Variants in BRI3BP observed in about 807,000 individuals in gnomAD.
BRI3BP encodes BRI3 binding protein.
Under a neutral mutation model 15.8 loss-of-function variants are expected in BRI3BP, and 7 were observed. The ratio of observed to expected loss-of-function variants is 0.44; its 90% CI spans 0.25 to 0.83. The LOEUF (loss-of-function observed/expected upper bound fraction) is 0.83. BRI3BP is among the 40% of genes least tolerant of loss of function. BRI3BP has a pLI of 0.20. For synonymous variants in BRI3BP, 192 were observed against 163.5 expected (o/e 1.17, Z -1.33); for missense variants, 320 against 339.3 (o/e 0.94, Z 0.45).
chr12:125,002,531 A>T, intron 1 of BRI3BP, among the ~76,000 whole-genome samples: 1 of 146,876 alleles, frequency 6.8e-6, no homozygotes. Flanking sequence ...ATCTCTGCTC[A>T]CTGCAACCTC....
rs538586160 is a variant in BRI3BP at position 125,012,299 on chromosome 12, G to T, written c.214-235G>T. On this transcript the variant is annotated intron_variant, in intron 1 of 2. Coordinates refer to ENST00000341446, the MANE Select transcript of BRI3BP (RefSeq NM_080626.6). ...CTGCAGAGAGTCCCAGCCTCCATAG[G>T]TGCCTTGTTCAGCCCTTGCAAGGAA... Among the ~76,000 whole-genome samples the T allele has an allele frequency of 5.3e-5, 8 of 152,292 alleles. No homozygotes were observed. The South Asian group carries it at 1.5e-3, about 28-fold the overall frequency.
At chr12:125,015,774 A>G (rs1955237119) in intron 2 of BRI3BP, among the ~76,000 whole-genome samples, 3 of 152,218 alleles carry the variant, frequency 2.0e-5, no homozygotes, top group Admixed American at 2.0e-4. Context: ...CTCACTGCTC[A>G]GACAAAGAAT....
At chr12:125,020,797 T>G (rs1594536983) in intron 2 of BRI3BP, among the ~76,000 whole-genome samples, 1 of 152,232 alleles carries the variant, frequency 6.6e-6, no homozygotes, top group East Asian at 1.9e-4. Flanking sequence ...AGAGGATCGC[T>G]TGAGCCCAGG....
rs116282607 is a variant in BRI3BP at position 125,001,784 on chromosome 12, A to C, written c.213+7781A>C. On this transcript the variant is annotated intron_variant, in intron 1 of 2. Coordinates refer to ENST00000341446, the MANE Select transcript of BRI3BP (RefSeq NM_080626.6). ...CATACAGTTTATTCATTGAAAGCTC[A>C]GCGGTTTGTAGTATATTCACAGTGC... Among the ~76,000 whole-genome samples the C allele has an allele frequency of 3.6e-3, 543 of 152,006 alleles. 7 individuals carry two copies. The highest frequency in any genetic ancestry group is 0.013 in the African/African-American group (527 of 41,430).
chr12:125,028,991 G>A lies in BRI3BP; in HGVS notation c.*3561G>A, dbSNP rs1955382694. On this transcript the variant is annotated 3_prime_UTR_variant, in exon 3 of 3. Coordinates refer to ENST00000341446, the MANE Select transcript of BRI3BP (RefSeq NM_080626.6). ...AAGCATTCTGATGAAAACTGGTTCTGTTATAATTAAGACTCAGTGTTTAAA... is the reference window on the plus strand; with the variant it reads ...AAGCATTCTGATGAAAACTGGTTCTATTATAATTAAGACTCAGTGTTTAAA... The A allele has an allele frequency of 6.6e-6, 1 of 152,172 alleles. No individual in the cohort carries two copies. Among genetic ancestry groups the A allele is most frequent in the South Asian group, 2.1e-4 (1 of 4,830 alleles). 9.4% of individuals were successfully genotyped at this position (152,172 alleles called of 1,614,324 possible). A position where few individuals can be genotyped will look rare whatever the true frequency, so the allele number is the denominator to read the frequency against.
At chr12:125,014,082 G>A (rs1402382311) in intron 2 of BRI3BP, among the ~76,000 whole-genome samples, 1 of 152,120 alleles carries the variant, frequency 6.6e-6, no homozygotes, top group Non-Finnish European at 1.5e-5. Flanking sequence ...GTCCCTTACC[G>A]CCTTAAGAGC....
rs141457185 is a variant in BRI3BP at position 125,028,104 on chromosome 12, C to T, written c.*2674C>T. On this transcript the variant is annotated 3_prime_UTR_variant, in exon 3 of 3. Transcript: ENST00000341446. Reference sequence around the variant, plus strand: ...ATTTTAGCACAAGGTATAAATAACTCGGGAGGTCATCTCTATCTTCTTTCC... The same window carrying T: ...ATTTTAGCACAAGGTATAAATAACTTGGGAGGTCATCTCTATCTTCTTTCC... The T allele has an allele frequency of 2.6e-5, 4 of 152,286 alleles. No individual in the cohort carries two copies. Among genetic ancestry groups the T allele is most frequent in the Admixed American group, 1.3e-4 (2 of 15,288 alleles). The allele number at this position is 152,286 out of a possible 1,614,324, so 9.4% of individuals were successfully genotyped here. A position where few individuals can be genotyped will look rare whatever the true frequency, so the allele number is the denominator to read the frequency against.
Position 125,029,542 on chromosome 12 carries a change from AAAAG to A in BRI3BP, c.*4113_*4116del, listed in dbSNP as rs1428216134. The stretch of plus-strand genomic sequence containing the variant: ...GTGAGACCCAGTCTCAAAAAAAAAA[AAAAG>A]TGTGTGTGTGTGTATATATATGTAT... On this transcript the variant is annotated 3_prime_UTR_variant, in exon 3 of 3. Coordinates refer to ENST00000341446, the MANE Select transcript of BRI3BP (RefSeq NM_080626.6). 1.3e-5 allele frequency: 2 copies of A among 148,176 alleles called. No homozygotes were observed. Among genetic ancestry groups the A allele is most frequent in the African/African-American group, 5.1e-5 (2 of 38,972 alleles). The allele number at this position is 148,176 out of a possible 1,614,324, so 9.2% of individuals were successfully genotyped here.
intron 2 of BRI3BP, 24 bp downstream of exon 2, chr12:125,012,660 G>A (rs765216840): frequency 7.2e-6 from 11 of 1,526,246 alleles, no homozygotes; most frequent in Admixed American, 1.7e-5. Context: ...TGGCATTCAC[G>A]TAAGGTGTCA....
At chr12:125,036,838 C>G in the BRI3BP span, among the ~76,000 whole-genome samples, 2 of 152,140 alleles carry the variant, frequency 1.3e-5, no homozygotes, top group Non-Finnish European at 2.9e-5. Context: ...AGACCAGATA[C>G]CCCTCGACTC....
chr12:125,032,015 G>A (rs1594542729), downstream of BRI3BP, among the ~76,000 whole-genome samples: 4 of 152,260 alleles, frequency 2.6e-5, 1 homozygote, highest in African/African-American at 9.6e-5. Flanking sequence ...GGCAGCCTGG[G>A]TGGCCTGTCA....
the BRI3BP span, among the ~76,000 whole-genome samples, chr12:125,038,255 C>CAA: frequency 0.01 from 1,198 of 116,580 alleles, 20 homozygotes; most frequent in African/African-American, 0.04. Context: ...CCAGCCATCT[C>CAA]AAAAAAAAAA....
intron 2 of BRI3BP, among the ~76,000 whole-genome samples, chr12:125,013,828 C>A (rs1172258159): frequency 6.6e-6 from 1 of 152,078 alleles, no homozygotes; most frequent in African/African-American, 2.4e-5. Context: ...AGGCACGGCC[C>A]CTCCCTTTCT....
intron 1 of BRI3BP, among the ~76,000 whole-genome samples, chr12:125,007,794 T>C (rs1406343854): frequency 1.3e-5 from 2 of 152,296 alleles, no homozygotes; most frequent in East Asian, 1.9e-4. Flanking sequence ...TATTTCTCGA[T>C]GTTGCTGGAT....
At position 125,012,503 on chromosome 12, in the gene BRI3BP, T is replaced by C. The variant is rs193031448; in HGVS notation, c.214-31T>C. 5 of 1,522,556 alleles carry C rather than the reference T, an allele frequency of 3.3e-6. No individual in the cohort carries two copies. In the Admixed American group the frequency reaches 6.7e-5, roughly 20 times the overall value. The allele number at this position is 1,522,556 out of a possible 1,614,324, so 94.3% of individuals were successfully genotyped here. A position where few individuals can be genotyped will look rare whatever the true frequency, so the allele number is the denominator to read the frequency against. ...CTTGACTGATGGAGGAAAACAGTGA[T>C]TGGGTGATGACCGTTTTCTTGTTTC... is the stretch of plus-strand genomic sequence containing the variant. On this transcript the variant is annotated intron_variant, in intron 1 of 2. Coordinates refer to ENST00000341446, the MANE Select transcript of BRI3BP (RefSeq NM_080626.6).
At chr12:124,999,110 G>A (rs1372720841) in intron 1 of BRI3BP, among the ~76,000 whole-genome samples, 2 of 152,104 alleles carry the variant, frequency 1.3e-5, no homozygotes, top group Non-Finnish European at 2.9e-5. Flanking sequence ...AAAATTTCAA[G>A]CACCTACTGT....
chr12:124,998,093 G>A (rs1417537644), intron 1 of BRI3BP, among the ~76,000 whole-genome samples: 1 of 147,376 alleles, frequency 6.8e-6, no homozygotes, highest in African/African-American at 2.6e-5. Context: ...CGTTGCGCGC[G>A]CCAGCCTGGG....
intron 2 of BRI3BP, among the ~76,000 whole-genome samples, chr12:125,017,145 G>A (rs1594535112): frequency 2.0e-5 from 3 of 151,200 alleles, no homozygotes; most frequent in South Asian, 2.1e-4. Flanking sequence ...TCAGTCTCCC[G>A]AGTAGCTGGG....
chr12:124,995,198 T>C (rs1955030425), intron 1 of BRI3BP, among the ~76,000 whole-genome samples: 1 of 152,112 alleles, frequency 6.6e-6, no homozygotes, highest in Non-Finnish European at 1.5e-5. Context: ...CTTGCACAGG[T>C]GGGTCTGTGT....
Sources: allele counts gnomAD v4.1 joint callset (sites outside exome capture counted in the v4.1 genomes callset), GRCh38; gene constraint gnomAD v4.1.1; transcripts MANE v1.5; gene names NCBI Gene and HGNC (gene_info 2026-07-23, HGNC 2026-07-21).